MEGF11: variants seen among roughly 807,000 people sequenced by gnomAD.
MEGF11 encodes multiple epidermal growth factor-like domains protein 11.
MEGF11 carries 126 observed loss-of-function variants against 146.6 expected under a neutral mutation model. The observed-to-expected ratio is 0.86, with a 90% CI of 0.74 to 1.00. The LOEUF is 1.00. Ranked by LOEUF, MEGF11 falls within the 50% of genes least tolerant of loss-of-function variation. The pLI, the probability that MEGF11 is intolerant of heterozygous loss-of-function variation, is 0.00. For synonymous variants in MEGF11, 532 were observed against 583.4 expected (o/e 0.91, Z 1.27); for missense variants, 1,509 against 1,521.2 (o/e 0.99, Z 0.13).
chr15:66,026,568 C>T (rs562588471), intron 5 of MEGF11, among the ~76,000 whole-genome samples: 1 of 152,292 alleles, frequency 6.6e-6, no homozygotes, highest in Admixed American at 6.5e-5. Flanking sequence ...ACTGCAACCT[C>T]GGCCTCCCTG....
intron 1 of MEGF11, among the ~76,000 whole-genome samples, chr15:66,229,917 T>G (rs1310868043): frequency 6.6e-6 from 1 of 152,204 alleles, no homozygotes; most frequent in Non-Finnish European, 1.5e-5. Flanking sequence ...GGTCTCAAGC[T>G]CTGTTTGTTT....
intron 15 of MEGF11, 98 bp downstream of exon 15, chr15:65,922,240 T>C (rs1193626043): frequency 2.1e-6 from 3 of 1,447,480 alleles, no homozygotes; most frequent in Non-Finnish European, 2.8e-6. Flanking sequence ...GCTACCTCCA[T>C]AGCGTATGAT....
At chr15:66,223,046 T>C (rs981013777) in intron 1 of MEGF11, among the ~76,000 whole-genome samples, 1 of 152,222 alleles carries the variant, frequency 6.6e-6, no homozygotes, top group Admixed American at 6.5e-5. Flanking sequence ...ATGAATTTCA[T>C]AGCAGCATTA....
rs143830761 is a variant in MEGF11 at position 66,039,505 on chromosome 15, C to T, written c.394+54897G>A. Among the ~76,000 whole-genome samples the T allele has an allele frequency of 1.6e-4, 25 of 152,330 alleles. No homozygotes were observed. The East Asian group carries it at 4.2e-3, about 26-fold the overall frequency. The stretch of plus-strand genomic sequence containing the variant: ...TACTGTTATCATTTCATTTGGTTCT[C>T]ACAGATAGGCATTCTCCCTACTTTA... On this transcript the variant is annotated intron_variant, in intron 5 of 25. Transcript: ENST00000395614.
At chr15:65,972,241 T>G (rs1465946876) in intron 7 of MEGF11, among the ~76,000 whole-genome samples, 4 of 152,078 alleles carry the variant, frequency 2.6e-5, no homozygotes, top group Non-Finnish European at 5.9e-5. Context: ...GTGAGTAAAT[T>G]GATGGAAAAT....
chr15:66,010,426 CA>C (rs1316020751), intron 5 of MEGF11, among the ~76,000 whole-genome samples: 1 of 151,950 alleles, frequency 6.6e-6, no homozygotes, highest in African/African-American at 2.4e-5. Context: ...CTCCTGGCCT[CA>C]AGTGATCTAC....
chr15:66,041,563 GC>G (rs1355012168), intron 5 of MEGF11, among the ~76,000 whole-genome samples: 3 of 152,200 alleles, frequency 2.0e-5, no homozygotes, highest in African/African-American at 7.2e-5. Flanking sequence ...GTCAAACCCT[GC>G]CTGCCATTTG....
chr15:65,922,931 C>T lies in MEGF11; in HGVS notation c.1714G>A (p.Gly572Ser). 6.2e-7 allele frequency: 1 copy of T among 1,613,240 alleles called. No homozygotes were observed. The highest frequency in any genetic ancestry group is 8.5e-7 in the Non-Finnish European group (1 of 1,179,726). Residue 572 changes from glycine to serine, a missense_variant, in exon 14 of 26, where the codon GGC becomes AGC. Coordinates refer to ENST00000395614, the MANE Select transcript of MEGF11 (RefSeq NM_001385028.1). ...CTGCAGGAGACAGAGCAGTTGGGGC[C>T]CCAGCGGCCAGGTGGACACGTGCTG... is the stretch of plus-strand genomic sequence containing the variant. ...CDSTCPPGRW[G>S]PNCSVSCSCE... is the part of the protein sequence containing the mutation.
At chr15:65,899,777 A>G (rs1168467182) in intron 24 of MEGF11, among the ~76,000 whole-genome samples, 1 of 152,182 alleles carries the variant, frequency 6.6e-6, no homozygotes, top group African/African-American at 2.4e-5. Flanking sequence ...GTCAATGCTA[A>G]CTGAAACCTA....
intron 1 of MEGF11, among the ~76,000 whole-genome samples, chr15:66,135,898 C>T (rs958153096): frequency 3.3e-5 from 5 of 152,226 alleles, no homozygotes; most frequent in African/African-American, 1.2e-4. Flanking sequence ...GAGTTTCACT[C>T]TGCTGGTGCA....
Position 66,150,860 on chromosome 15 carries a change from G to C in MEGF11, c.-8-22449C>G, listed in dbSNP as rs770542964. The stretch of plus-strand genomic sequence containing the variant: ...AGAGAGAGAGAGAGAGAGAGAGAGA[G>C]AGAGAGAGAGGAAAGAATTTTCCAA... On this transcript the variant is annotated intron_variant, in intron 1 of 25. Transcript: ENST00000395614. Among the ~76,000 whole-genome samples, 771 of 140,708 alleles carry C rather than the reference G, an allele frequency of 5.5e-3. 3 individuals carry two copies. Among genetic ancestry groups the C allele is most frequent in the Middle Eastern group, 0.032 (9 of 280 alleles). The allele number at this position is 140,708 out of a possible 152,430, so 92.3% of individuals were successfully genotyped here. A position where few individuals can be genotyped will look rare whatever the true frequency, so the allele number is the denominator to read the frequency against.
chr15:66,200,792 ATG>A lies in MEGF11; in HGVS notation c.-9+52811_-9+52812del, dbSNP rs2091137974. On this transcript the variant is annotated intron_variant, in intron 1 of 25. Coordinates refer to ENST00000395614, the MANE Select transcript of MEGF11 (RefSeq NM_001385028.1). ...AGCGGGGTGCAGAAGTGGGCCGGGT[ATG>A]AGCAAGCTCACTCTGAGGTAGGGGT... Among the ~76,000 whole-genome samples, 3 of 152,278 alleles carry A rather than the reference ATG, an allele frequency of 2.0e-5. No homozygotes were observed. In the South Asian group the frequency reaches 6.2e-4, roughly 32 times the overall value.
At chr15:65,918,660 C>T (rs2079079593) in intron 15 of MEGF11, among the ~76,000 whole-genome samples, 2 of 152,338 alleles carry the variant, frequency 1.3e-5, no homozygotes, top group South Asian at 2.1e-4. Context: ...CAACATCTTC[C>T]TCAAGAAAGC....
At chr15:66,150,676 T>C (rs1013951724) in intron 1 of MEGF11, among the ~76,000 whole-genome samples, 1 of 150,138 alleles carries the variant, frequency 6.7e-6, no homozygotes, top group Non-Finnish European at 1.5e-5. Flanking sequence ...TGGGAATCTG[T>C]TAGAATTTTA....
intron 5 of MEGF11, among the ~76,000 whole-genome samples, chr15:66,041,938 C>A (rs921495023): frequency 3.3e-5 from 5 of 152,068 alleles, no homozygotes; most frequent in African/African-American, 9.7e-5. Context: ...CTCTTAAAAA[C>A]CAAATCATCC....
At chr15:66,141,257 TGTGTG>T (rs2089139915) in intron 1 of MEGF11, among the ~76,000 whole-genome samples, 2 of 137,756 alleles carry the variant, frequency 1.5e-5, no homozygotes, top group Admixed American at 1.5e-4. Context: ...TGTGTGTGTG[TGTGTG>T]TGTGTGTGTG....
At chr15:66,116,605 G>C (rs112485651) in intron 4 of MEGF11, among the ~76,000 whole-genome samples, 1 of 152,294 alleles carries the variant, frequency 6.6e-6, no homozygotes, top group African/African-American at 2.4e-5. Flanking sequence ...CAAGGACCCT[G>C]TAAGGGTTTC....
At chr15:66,252,762 G>A (rs574768110) in intron 1 of MEGF11, among the ~76,000 whole-genome samples, 39 of 152,330 alleles carry the variant, frequency 2.6e-4, no homozygotes, top group Non-Finnish European at 4.3e-4. Flanking sequence ...AGGCGGCTGC[G>A]CTCGGCAGCT....
chr15:66,132,052 A>T (rs2088668484), intron 1 of MEGF11, among the ~76,000 whole-genome samples: 2 of 152,226 alleles, frequency 1.3e-5, no homozygotes, highest in African/African-American at 4.8e-5. Flanking sequence ...CAGGTTGCTT[A>T]AGGGACACTG....
Sources: gnomAD v4.1 joint callset for allele counts (sites outside exome capture counted in the v4.1 genomes callset) on GRCh38, gnomAD v4.1.1 for gene constraint, MANE v1.5 for transcripts, NCBI Gene and HGNC (gene_info 2026-07-23, HGNC 2026-07-21) for gene names.